The following SACM1L variants were observed in gnomAD, a reference collection of about 807,000 sequenced individuals.
SACM1L encodes SAC1 like phosphatidylinositide phosphatase, also known as phosphatidylinositol-3-phosphatase SAC1.
A neutral mutation model predicts 89.5 loss-of-function variants in SACM1L; 32 were observed. The ratio of observed to expected loss-of-function variants is 0.36; its 90% confidence interval spans 0.27 to 0.48. SACM1L has a LOEUF of 0.48. Ranked by LOEUF, SACM1L falls within the 20% of genes least tolerant of loss-of-function variation. The probability of loss-of-function intolerance (pLI) is 0.99; values close to 1 mark genes in which losing one functional copy is unlikely to be tolerated. For missense variants in SACM1L, 543 were observed against 708.5 expected, an observed-to-expected ratio of 0.77 and a Z score of 2.65; for synonymous variants, 213 against 232.8, an observed-to-expected ratio of 0.92 and a Z score of 0.77.
chr3:45,743,495 A>G (rs1177902008), intron 19 of SACM1L, 38 bp from the exon 20 acceptor site: 7 of 1,582,850 alleles, frequency 4.4e-6, no homozygotes, highest in Non-Finnish European at 4.3e-6. Flanking sequence ...GATATCAACA[A>G]ACGACTTATT....
Position 45,731,370 on chromosome 3 carries a change from G to A in SACM1L, c.991G>A (p.Gly331Arg), listed in dbSNP as rs371949726. ...AACAATGGTGTCTTCCTTGGGAAGT[G>A]GAATGATGAGGTACCTCACTAGAAA... ...FATMVSSLGS[G>R]MMRYIAFDFH... The change falls in exon 12 of 20, where the codon GGA (glycine) becomes AGA (arginine). Residue 331 changes from glycine (G) to arginine (R), a missense_variant. Physicochemically the swap from Gly to Arg is moderately radical, Grantham distance 125. Coordinates refer to ENST00000389061, the MANE Select transcript of SACM1L (RefSeq NM_014016.5). The A allele has an allele frequency of 9.3e-6, 15 of 1,610,290 alleles. No homozygotes were observed. The highest frequency in any genetic ancestry group is 1.3e-5 in the Non-Finnish European group (15 of 1,176,978).
intron 8 of SACM1L, among the ~76,000 whole-genome samples, chr3:45,719,956 C>G (rs1575400827): frequency 6.6e-6 from 1 of 152,158 alleles, no homozygotes; most frequent in East Asian, 1.9e-4. Context: ...TGAAGCTAGT[C>G]ATTTGGCTTT....
At chr3:45,701,816 C>G (rs1045654258) in intron 1 of SACM1L, among the ~76,000 whole-genome samples, 1 of 152,158 alleles carries the variant, frequency 6.6e-6, no homozygotes, top group African/African-American at 2.4e-5. Flanking sequence ...GCCATATGAT[C>G]CAGCTGTTCC....
At chr3:45,704,884 G>A (rs1307790014) in intron 2 of SACM1L, among the ~76,000 whole-genome samples, 1 of 152,062 alleles carries the variant, frequency 6.6e-6, no homozygotes, top group Non-Finnish European at 1.5e-5. Context: ...ATTCCTAATG[G>A]GATTATTTTT....
chr3:45,698,764 T>G (rs1457564132), intron 1 of SACM1L, among the ~76,000 whole-genome samples: 1 of 152,130 alleles, frequency 6.6e-6, no homozygotes, highest in African/African-American at 2.4e-5. Flanking sequence ...TTGGCCAGGC[T>G]GGTCTTGACT....
intron 13 of SACM1L, among the ~76,000 whole-genome samples, chr3:45,734,226 A>C (rs1441945046): frequency 6.7e-6 from 1 of 149,110 alleles, no homozygotes; most frequent in Non-Finnish European, 1.5e-5. Context: ...CAGCTTGGCC[A>C]ACATGTCAAA....
At chr3:45,729,684 T>C (rs1435498661) in intron 11 of SACM1L, among the ~76,000 whole-genome samples, 1 of 152,182 alleles carries the variant, frequency 6.6e-6, no homozygotes, top group Non-Finnish European at 1.5e-5. Context: ...ATTGAGAATC[T>C]CTTGTGTGTG....
At chr3:45,700,558 G>T (rs916402102) in intron 1 of SACM1L, among the ~76,000 whole-genome samples, 5 of 152,198 alleles carry the variant, frequency 3.3e-5, no homozygotes, top group African/African-American at 1.2e-4. Flanking sequence ...AAACCATTTA[G>T]TAAAATTTTA....
chr3:45,743,567 C>A lies in SACM1L; in HGVS notation c.1662C>A (p.Leu554=). The change falls in exon 20 of 20, where the codon CTC becomes CTA. Residue 554 remains leucine, a synonymous_variant. Transcript: ENST00000389061. The part of the protein sequence containing the change: ...DTWTETLAYV[L]FWGVASIGTF... ...GGACAGAAACACTGGCCTATGTGCTCTTCTGGGGAGTTGCAAGCATTGGAA... is the reference window on the plus strand; with the variant it reads ...GGACAGAAACACTGGCCTATGTGCTATTCTGGGGAGTTGCAAGCATTGGAA... 1 of 1,613,930 alleles carries A rather than the reference C, an allele frequency of 6.2e-7. No homozygotes were observed. Among genetic ancestry groups the A allele is most frequent in the Non-Finnish European group, 8.5e-7 (1 of 1,179,964 alleles).
In SACM1L at chr3:45,719,498, A is replaced by C. The variant is rs767929841; in HGVS notation, c.578-2A>C. On this transcript the variant is annotated splice_acceptor_variant, in intron 7 of 19. Transcript: ENST00000389061. LOFTEE classifies it high-confidence loss of function. Reference sequence around the variant, plus strand: ...TGTTATATTTTTCTTAATGTGGTTAAGTTATTACCATGCATTCATGTTCTA... The same window carrying C: ...TGTTATATTTTTCTTAATGTGGTTACGTTATTACCATGCATTCATGTTCTA... The C allele has an allele frequency of 2.7e-5, 41 of 1,538,852 alleles. No homozygotes were observed. Among genetic ancestry groups the C allele is most frequent in the Non-Finnish European group, 3.6e-5 (40 of 1,118,154 alleles).
At chr3:45,706,997 A>G in intron 4 of SACM1L, 90 bp downstream of exon 4, 1 of 1,227,580 alleles carries the variant, frequency 8.1e-7, no homozygotes, top group Non-Finnish European at 1.2e-6. Flanking sequence ...GAATACAAAG[A>G]ATGCTATAAT....
At chr3:45,735,044 G>A (rs1699169588) in intron 13 of SACM1L, 191 bp from the exon 14 acceptor site, 2 of 462,742 alleles carry the variant, frequency 4.3e-6, no homozygotes, top group Admixed American at 4.0e-5. Flanking sequence ...ATGGAGGGCT[G>A]TCTTGCCTCA....
intron 13 of SACM1L, among the ~76,000 whole-genome samples, chr3:45,733,372 A>G (rs1381042193): frequency 6.6e-6 from 1 of 152,184 alleles, no homozygotes; most frequent in Non-Finnish European, 1.5e-5. Context: ...AGTTATCTTC[A>G]GACTTCGGTT....
intron 7 of SACM1L, among the ~76,000 whole-genome samples, chr3:45,714,915 C>T (rs1265346604): frequency 6.6e-6 from 1 of 152,188 alleles, no homozygotes; most frequent in Admixed American, 6.5e-5. Flanking sequence ...TGACAGACCA[C>T]ATATATGAAG....
chr3:45,695,409 C>T (rs898289077), intron 1 of SACM1L, among the ~76,000 whole-genome samples: 4 of 152,040 alleles, frequency 2.6e-5, no homozygotes, highest in Non-Finnish European at 5.9e-5. Flanking sequence ...TACAGGCATG[C>T]ACCACCAGGC....
intron 5 of SACM1L, among the ~76,000 whole-genome samples, chr3:45,711,886 T>G (rs1020207723): frequency 6.6e-6 from 1 of 152,188 alleles, no homozygotes; most frequent in Non-Finnish European, 1.5e-5. Context: ...TTTACTATGT[T>G]CTTTTATATT....
chr3:45,695,481 G>C (rs958811399), intron 1 of SACM1L, among the ~76,000 whole-genome samples: 4 of 152,036 alleles, frequency 2.6e-5, no homozygotes, highest in African/African-American at 9.7e-5. Flanking sequence ...GGCTGGTCTT[G>C]ATCTCCTGAC....
Position 45,719,440 on chromosome 3 carries a change from A to G in SACM1L, c.578-60A>G, listed in dbSNP as rs937089551. On this transcript the variant is annotated intron_variant, in intron 7 of 19. Transcript: ENST00000389061. ...ATCATTAGGATAGATAGATGCAAACAATCTAGAAACAATGCTTATGATTTC... is the reference window on the plus strand; with the variant it reads ...ATCATTAGGATAGATAGATGCAAACGATCTAGAAACAATGCTTATGATTTC... The G allele has an allele frequency of 2.2e-5, 21 of 963,646 alleles. No homozygotes were observed. The African/African-American group carries it at 3.0e-4, about 14-fold the overall frequency. The allele number at this position is 963,646 out of a possible 1,614,324, so 59.7% of individuals were successfully genotyped here.
chr3:45,714,144 G>A (rs6764981), intron 7 of SACM1L, 65 bp downstream of exon 7: 2 of 959,102 alleles, frequency 2.1e-6, no homozygotes, highest in Admixed American at 2.3e-5. Flanking sequence ...TTATAAGGCA[G>A]ATTTAGAGAT....
Sources: gnomAD v4.1 joint callset for allele counts (sites outside exome capture counted in the v4.1 genomes callset) on GRCh38, gnomAD v4.1.1 for gene constraint, MANE v1.5 for transcripts, NCBI Gene and HGNC (gene_info 2026-07-23, HGNC 2026-07-21) for gene names.